Variants in VEZT observed in about 807,000 individuals in gnomAD.
VEZT encodes vezatin.
In VEZT, 39 loss-of-function variants were observed where a neutral mutation model predicts 79.9. That is an observed-to-expected ratio of 0.49 (90% CI 0.38 to 0.64). The LOEUF (loss-of-function observed/expected upper bound fraction) is 0.64. Among genes scored for constraint, VEZT ranks in the 30% least tolerant of loss-of-function variants. The pLI is 0.00. For missense variants in VEZT, 837 were observed against 893.1 expected (o/e 0.94, Z 0.80); for synonymous variants, 325 against 327.6 (o/e 0.99, Z 0.09).
intron 9 of VEZT, among the ~76,000 whole-genome samples, chr12:95,289,588 A>T (rs1159052493): frequency 6.6e-6 from 1 of 152,068 alleles, no homozygotes; most frequent in Non-Finnish European, 1.5e-5. Context: ...TTTTCTAATT[A>T]TTTTCTGTAT....
chr12:95,234,847 G>T (rs1277864180), intron 1 of VEZT, among the ~76,000 whole-genome samples: 1 of 152,106 alleles, frequency 6.6e-6, no homozygotes, highest in East Asian at 1.9e-4. Context: ...AGATTAGGGA[G>T]TGGTAATGAC....
At chr12:95,220,848 A>G (rs1358050420) in intron 1 of VEZT, among the ~76,000 whole-genome samples, 1 of 152,186 alleles carries the variant, frequency 6.6e-6, no homozygotes, top group African/African-American at 2.4e-5. Flanking sequence ...TCTGGTGGAT[A>G]TATATGTAGG....
intron 1 of VEZT, chr12:95,224,218 A>G: frequency 2.2e-6 from 1 of 455,940 alleles, no homozygotes; most frequent in Non-Finnish European, 4.4e-6. Context: ...CAGAGGATGG[A>G]GGAAAGAGCG....
chr12:95,239,978 GAGAGGA>G (rs1430245801), intron 1 of VEZT, among the ~76,000 whole-genome samples: 1 of 144,818 alleles, frequency 6.9e-6, no homozygotes, highest in African/African-American at 2.6e-5. Flanking sequence ...GAGAGAGAGA[GAGAGGA>G]GAGAGAGAGA....
In VEZT at chr12:95,251,981, A is replaced by C; in HGVS notation, c.78A>C (p.Thr26=). ...AATACTTACAGGATCTGGGACACAC[A>C]GACTTTGAAATATGTTCTTCTTTGT... ...LYQYLQDLGH[T]DFEICSSLSP... The change falls in exon 2 of 12, where the codon ACA becomes ACC. Residue 26 remains threonine, a synonymous_variant. Coordinates refer to ENST00000436874, the MANE Select transcript of VEZT (RefSeq NM_017599.4). 3 of 1,612,782 alleles carry C rather than the reference A, an allele frequency of 1.9e-6. No homozygotes were observed. Among genetic ancestry groups the C allele is most frequent in the Non-Finnish European group, 2.5e-6 (3 of 1,179,350 alleles).
intron 1 of VEZT, among the ~76,000 whole-genome samples, chr12:95,235,831 C>G (rs577805074): frequency 6.6e-6 from 1 of 151,096 alleles, no homozygotes; most frequent in African/African-American, 2.4e-5. Flanking sequence ...GGGCGGCTGC[C>G]GGGCAGAGAC....
intron 1 of VEZT, among the ~76,000 whole-genome samples, chr12:95,232,875 G>A (rs1409164281): frequency 1.3e-5 from 2 of 152,122 alleles, no homozygotes; most frequent in Middle Eastern, 3.4e-3. Context: ...ACGCAATCTC[G>A]GCTCACTGCA....
At chr12:95,221,637 G>A (rs2057601667) in intron 1 of VEZT, among the ~76,000 whole-genome samples, 2 of 151,320 alleles carry the variant, frequency 1.3e-5, no homozygotes, top group Admixed American at 6.6e-5. Context: ...GAAGCCAGGA[G>A]TTTAAGACCA....
At chr12:95,282,163 A>T in intron 7 of VEZT, 150 bp from the exon 8 acceptor site, 1 of 681,970 alleles carries the variant, frequency 1.5e-6, no homozygotes, top group Non-Finnish European at 2.4e-6. Flanking sequence ...ATTCTTGGCT[A>T]ATCTTAAGGT....
intron 1 of VEZT, among the ~76,000 whole-genome samples, chr12:95,240,207 A>C (rs1368951199): frequency 6.6e-6 from 1 of 152,216 alleles, no homozygotes; most frequent in Non-Finnish European, 1.5e-5. Context: ...TAGTGTGTCA[A>C]TATCCAAAAG....
intron 1 of VEZT, among the ~76,000 whole-genome samples, chr12:95,249,999 T>C (rs2062274962): frequency 6.6e-6 from 1 of 151,026 alleles, no homozygotes; most frequent in Non-Finnish European, 1.5e-5. Flanking sequence ...TGCCACATAG[T>C]ACTTTAACTG....
At chr12:95,224,658 G>C (rs897660515) in intron 1 of VEZT, among the ~76,000 whole-genome samples, 2 of 152,162 alleles carry the variant, frequency 1.3e-5, no homozygotes, top group African/African-American at 4.8e-5. Context: ...AGAGCTGAAA[G>C]CTTGTAAGGC....
At chr12:95,274,696 A>C (rs762667418) in intron 6 of VEZT, 46 bp from the exon 7 acceptor site, 6 of 1,570,448 alleles carry the variant, frequency 3.8e-6, no homozygotes, top group Non-Finnish European at 5.2e-6. Context: ...TGTATCTTTT[A>C]TGCTTTCATG....
intron 1 of VEZT, among the ~76,000 whole-genome samples, chr12:95,230,873 T>G (rs769249084): frequency 9.9e-5 from 15 of 152,188 alleles, no homozygotes; most frequent in Non-Finnish European, 2.2e-4. Context: ...AATCTACCAT[T>G]GCTGACTTCT....
chr12:95,287,013 G>A (rs942760160), intron 8 of VEZT, among the ~76,000 whole-genome samples: 9 of 151,700 alleles, frequency 5.9e-5, no homozygotes, highest in South Asian at 2.1e-4. Flanking sequence ...AGGGAGGGGC[G>A]GTGGATATTA....
chr12:95,226,403 T>C (rs1283714308), intron 1 of VEZT, among the ~76,000 whole-genome samples: 1 of 152,066 alleles, frequency 6.6e-6, no homozygotes, highest in Non-Finnish European at 1.5e-5. Flanking sequence ...CTGTGATTTT[T>C]TTTTTTTTGG....
chr12:95,282,678 G>GTA, intron 8 of VEZT, 34 bp downstream of exon 8: 2 of 1,528,506 alleles, frequency 1.3e-6, no homozygotes, highest in Non-Finnish European at 1.8e-6. Context: ...AAAGGTCTCG[G>GTA]TAATTAGCAA....
At chr12:95,265,073 C>A (rs2065276411) in intron 4 of VEZT, among the ~76,000 whole-genome samples, 2 of 151,936 alleles carry the variant, frequency 1.3e-5, no homozygotes, top group Admixed American at 1.3e-4. Flanking sequence ...GTTGCCCAGT[C>A]TGGTCTCGAA....
chr12:95,236,426 A>AG (rs1281929952), intron 1 of VEZT, among the ~76,000 whole-genome samples: 3 of 152,026 alleles, frequency 2.0e-5, no homozygotes, highest in African/African-American at 7.2e-5. Flanking sequence ...AGAGAGGGAG[A>AG]GGGAGACTGT....
Sources: allele counts gnomAD v4.1 joint callset (sites outside exome capture counted in the v4.1 genomes callset), GRCh38; gene constraint gnomAD v4.1.1; transcripts MANE v1.5; gene names NCBI Gene and HGNC (gene_info 2026-07-23, HGNC 2026-07-21).